Variants in CPHXL2 observed in about 807,000 individuals in gnomAD.
The protein encoded by CPHXL2 is cytoplasmic polyadenylated homeobox-like protein 2.
At chr16:75,664,871 C>G in the CPHXL2 span, among the ~76,000 whole-genome samples, 3 of 152,138 alleles carry the variant, frequency 2.0e-5, no homozygotes, top group Non-Finnish European at 4.4e-5. Context: ...ATGTGATACC[C>G]TGTACCACCT....
the CPHXL2 span, among the ~76,000 whole-genome samples, chr16:75,668,003 T>A: frequency 2.0e-5 from 3 of 152,154 alleles, no homozygotes; most frequent in African/African-American, 7.2e-5. Flanking sequence ...ATTAGTCCCA[T>A]CCACCTGCAC....
At chr16:75,673,538 C>T in the CPHXL2 span, among the ~76,000 whole-genome samples, 3 of 152,048 alleles carry the variant, frequency 2.0e-5, no homozygotes, top group African/African-American at 7.2e-5. Context: ...GTCTGTCTAC[C>T]TGAAAGGTCC....
the CPHXL2 span, among the ~76,000 whole-genome samples, chr16:75,667,312 C>CAAA: frequency 4.9e-4 from 38 of 77,726 alleles, no homozygotes; most frequent in African/African-American, 1.3e-3. Flanking sequence ...ACTCCATTTC[C>CAAA]AAAAAAAAAA....
the CPHXL2 span, among the ~76,000 whole-genome samples, chr16:75,661,532 C>A: frequency 2.6e-5 from 4 of 151,878 alleles, no homozygotes; most frequent in East Asian, 3.9e-4. Flanking sequence ...GAATCTATCT[C>A]CAACCTACTT....
At chr16:75,664,943 C>T in the CPHXL2 span, among the ~76,000 whole-genome samples, 7 of 152,310 alleles carry the variant, frequency 4.6e-5, no homozygotes, top group Non-Finnish European at 8.8e-5. Flanking sequence ...ACTTCTCAGC[C>T]TCCCTAACTA....
At chr16:75,660,831 C>T in the CPHXL2 span, 54 of 398,550 alleles carry the variant, frequency 1.4e-4, 1 homozygote, top group Admixed American at 2.1e-3. Flanking sequence ...AGAATGCTCA[C>T]TTCCTGTGTC....
chr16:75,665,407 A>T, the CPHXL2 span, among the ~76,000 whole-genome samples: 7 of 152,278 alleles, frequency 4.6e-5, no homozygotes, highest in Non-Finnish European at 8.8e-5. Flanking sequence ...TGAAGAAAAG[A>T]TATAGTCTTT....
At chr16:75,669,496 G>GTTTTTCTT in the CPHXL2 span, 1 of 400,050 alleles carries the variant, frequency 2.5e-6, no homozygotes, top group Middle Eastern at 3.7e-4. Flanking sequence ...TCGGTGTTTT[G>GTTTTTCTT]TTTTTCTTTT....
chr16:75,669,882 G>C, the CPHXL2 span, among the ~76,000 whole-genome samples: 1 of 152,292 alleles, frequency 6.6e-6, no homozygotes, highest in Admixed American at 6.5e-5. Flanking sequence ...GATGTGTCCA[G>C]GGTCCACACA....
chr16:75,663,612 G>A, the CPHXL2 span, among the ~76,000 whole-genome samples: 7 of 151,844 alleles, frequency 4.6e-5, no homozygotes, highest in Middle Eastern at 3.2e-3. Context: ...AGGTTGGCGC[G>A]GTGGCTCACG....
chr16:75,661,166 T>G, the CPHXL2 span: 1 of 400,850 alleles, frequency 2.5e-6, no homozygotes, highest in Middle Eastern at 3.1e-4. Context: ...AGGCTTGGAC[T>G]GGGAAATCGT....
chr16:75,670,071 C>T, the CPHXL2 span, among the ~76,000 whole-genome samples: 19 of 152,228 alleles, frequency 1.2e-4, no homozygotes, highest in South Asian at 1.5e-3. Context: ...CCTGCCACTA[C>T]GCCCAGCTAA....
the CPHXL2 span, chr16:75,669,303 T>A: frequency 1.1e-5 from 4 of 374,966 alleles, no homozygotes; most frequent in Non-Finnish European, 1.8e-5. Context: ...GCGACTGGAG[T>A]GAGACCTTTC....
At chr16:75,668,170 TG>T in the CPHXL2 span, among the ~76,000 whole-genome samples, 1 of 152,044 alleles carries the variant, frequency 6.6e-6, no homozygotes, top group Admixed American at 6.6e-5. Context: ...CGTTTTCCTA[TG>T]TGATGAAATG....
the CPHXL2 span, chr16:75,660,599 C>G: frequency 2.5e-6 from 1 of 398,512 alleles, no homozygotes; most frequent in East Asian, 3.6e-5. Flanking sequence ...GTGGGTGATA[C>G]TGCCAATCAT....
chr16:75,660,719 G>C, the CPHXL2 span: 1 of 398,706 alleles, frequency 2.5e-6, no homozygotes, highest in East Asian at 3.6e-5. Flanking sequence ...TTGCATGCTG[G>C]CTTTCCCTGG....
chr16:75,667,488 A>G, the CPHXL2 span, among the ~76,000 whole-genome samples: 1 of 152,214 alleles, frequency 6.6e-6, no homozygotes, highest in African/African-American at 2.4e-5. Flanking sequence ...CACAGAGAGC[A>G]AGGGAAATCT....
chr16:75,668,282 G>A, the CPHXL2 span, among the ~76,000 whole-genome samples: 2 of 147,488 alleles, frequency 1.4e-5, no homozygotes, highest in East Asian at 3.9e-4. Flanking sequence ...AGGCTGGAGT[G>A]CAGTGGCGGG....
At chr16:75,670,487 A>G in the CPHXL2 span, among the ~76,000 whole-genome samples, 3 of 152,150 alleles carry the variant, frequency 2.0e-5, no homozygotes, top group Admixed American at 1.3e-4. Flanking sequence ...TTTGGCATGC[A>G]CAGTATATTT....
Sources: allele counts gnomAD v4.1 joint callset (sites outside exome capture counted in the v4.1 genomes callset), GRCh38; gene constraint gnomAD v4.1.1; transcripts MANE v1.5; gene names NCBI Gene and HGNC (gene_info 2026-07-23, HGNC 2026-07-21).